The following NIPAL3 variants were observed in gnomAD, a reference collection of about 807,000 sequenced individuals.
The protein encoded by NIPAL3 is NIPA-like protein 3.
Under a neutral mutation model 47.2 loss-of-function variants are expected in NIPAL3, and 41 were observed. That is an observed-to-expected ratio of 0.87 (90% confidence interval 0.68 to 1.13). The LOEUF is 1.13. Ranked by LOEUF, NIPAL3 falls within the 50% of genes most tolerant of loss-of-function variation. The pLI, the probability that NIPAL3 is intolerant of heterozygous loss-of-function variation, is 0.00. For synonymous variants in NIPAL3, 194 were observed against 209.6 expected (o/e 0.93, Z 0.64); for missense variants, 449 against 530.1 (o/e 0.85, Z 1.50).
chr1:24,424,832 T>C (rs997873436), intron 2 of NIPAL3, among the ~76,000 whole-genome samples: 2 of 152,170 alleles, frequency 1.3e-5, no homozygotes, highest in South Asian at 2.1e-4. Context: ...TCTACCATTA[T>C]GGGCAGGTCT....
At chr1:24,418,239 T>C (rs1570154600) in intron 1 of NIPAL3, among the ~76,000 whole-genome samples, 1 of 152,224 alleles carries the variant, frequency 6.6e-6, no homozygotes, top group Non-Finnish European at 1.5e-5. Flanking sequence ...AATACATTTC[T>C]AAAAAATGTA....
At chr1:24,428,734 C>T (rs1312617085) in intron 2 of NIPAL3, among the ~76,000 whole-genome samples, 1 of 152,210 alleles carries the variant, frequency 6.6e-6, no homozygotes, top group Non-Finnish European at 1.5e-5. Flanking sequence ...AGTTGATTTT[C>T]AGCGAACCTT....
At chr1:24,425,001 G>A (rs917252662) in intron 2 of NIPAL3, among the ~76,000 whole-genome samples, 1 of 152,192 alleles carries the variant, frequency 6.6e-6, no homozygotes, top group Non-Finnish European at 1.5e-5. Flanking sequence ...CCTCTGCCCT[G>A]CCCATCAGCG....
intron 4 of NIPAL3, among the ~76,000 whole-genome samples, chr1:24,443,830 A>C (rs1165298870): frequency 6.6e-6 from 1 of 151,906 alleles, no homozygotes. Flanking sequence ...ACCATTTTCT[A>C]TATTTGTGTT....
chr1:24,457,869 C>T (rs1430501342), intron 8 of NIPAL3: 1 of 522,836 alleles, frequency 1.9e-6, no homozygotes. Flanking sequence ...ATTGGCCTTG[C>T]TATTGTTATT....
At position 24,442,145 on chromosome 1, in the gene NIPAL3, C is replaced by G. The variant is rs746427885; in HGVS notation, c.253C>G (p.Leu85Val). Residue 85 changes from leucine (L) to valine (V), a missense_variant, in exon 4 of 12, where the codon CTG (leucine) becomes GTG (valine). Leu to Val is a conservative substitution (Grantham distance 32, BLOSUM62 1). Coordinates refer to ENST00000374399, the MANE Select transcript of NIPAL3 (RefSeq NM_020448.5). ...TWWLGLFLML[L>V]GELGVFASYA... ...GTGGCTGGGCCTGTTCCTGATGCTT[C>G]TGGGCGAGCTGGGTGTGTTCGCCTC... The G allele has an allele frequency of 1.5e-5, 24 of 1,614,112 alleles. No individual in the cohort carries two copies. The Admixed American group carries it at 3.7e-4, about 25-fold the overall frequency.
Position 24,466,666 on chromosome 1 carries a change from C to T in NIPAL3, c.1022-2320C>T, listed in dbSNP as rs116133503. ...GTTCGTGGTTCCCCGCCGTGTACAC[C>T]TCTCTCATTGCAATGTGTCAATAAA... On this transcript the variant is annotated intron_variant, in intron 11 of 11. Coordinates refer to ENST00000374399, the MANE Select transcript of NIPAL3 (RefSeq NM_020448.5). Among the ~76,000 whole-genome samples the T allele has an allele frequency of 5.0e-3, 755 of 152,276 alleles. 9 individuals are homozygous for T. The highest frequency in any genetic ancestry group is 0.017 in the African/African-American group (711 of 41,538).
At chr1:24,434,020 G>T (rs1644993500) in intron 2 of NIPAL3, among the ~76,000 whole-genome samples, 1 of 151,768 alleles carries the variant, frequency 6.6e-6, no homozygotes, top group Admixed American at 6.6e-5. Context: ...CACAAAAGAG[G>T]GCAGTAATGG....
chr1:24,443,417 C>T (rs1411342613), intron 4 of NIPAL3, among the ~76,000 whole-genome samples: 1 of 152,186 alleles, frequency 6.6e-6, no homozygotes, highest in Non-Finnish European at 1.5e-5. Flanking sequence ...GGTCTTATTC[C>T]TCCTTGAGTT....
At position 24,460,480 on chromosome 1, in the gene NIPAL3, G is replaced by A; in HGVS notation, c.863-1G>A. 1 of 1,586,372 alleles carries A rather than the reference G, an allele frequency of 6.3e-7. No homozygotes were observed. The highest frequency in any genetic ancestry group is 1.2e-5 in the South Asian group (1 of 86,020). On this transcript the variant is annotated splice_acceptor_variant, in intron 9 of 11. Transcript: ENST00000374399. LOFTEE classifies it high-confidence loss of function. ...GTATTTTCTATGATTTGCTGCTGCA[G>A]GTGCAATATTTTACCTGGACTTCAT...
At chr1:24,448,136 A>G (rs938776361) in intron 5 of NIPAL3, among the ~76,000 whole-genome samples, 3 of 152,236 alleles carry the variant, frequency 2.0e-5, no homozygotes, top group African/African-American at 7.2e-5. Flanking sequence ...TAGTACTGAG[A>G]ATAAAGATAA....
chr1:24,470,214 C>T lies in NIPAL3; in HGVS notation c.*1029C>T, dbSNP rs1646856815. 1 of 152,206 alleles carries T rather than the reference C, an allele frequency of 6.6e-6. No individual in the cohort carries two copies. 9.4% of individuals were successfully genotyped at this position (152,206 alleles called of 1,614,324 possible). A position where few individuals can be genotyped will look rare whatever the true frequency, so the allele number is the denominator to read the frequency against. The stretch of plus-strand genomic sequence containing the variant: ...TGCATATATGTCTGGGAGAAGCAAG[C>T]ATTCTCCAAAACAGGGCTGTTGCTT... On this transcript the variant is annotated 3_prime_UTR_variant, in exon 12 of 12. Coordinates refer to ENST00000374399, the MANE Select transcript of NIPAL3 (RefSeq NM_020448.5).
At chr1:24,458,105 C>T (rs1201204198) in intron 8 of NIPAL3, among the ~76,000 whole-genome samples, 3 of 152,272 alleles carry the variant, frequency 2.0e-5, no homozygotes, top group Admixed American at 1.3e-4. Flanking sequence ...CATTCACGGC[C>T]CTGGCTGGGG....
intron 8 of NIPAL3, chr1:24,457,906 A>T (rs1022305525): frequency 6.4e-6 from 3 of 470,278 alleles, no homozygotes; most frequent in Non-Finnish European, 1.3e-5. Context: ...GTCCCACTAC[A>T]ACAATTCCAG....
At chr1:24,433,884 C>G (rs916482635) in intron 2 of NIPAL3, among the ~76,000 whole-genome samples, 5 of 152,090 alleles carry the variant, frequency 3.3e-5, no homozygotes, top group African/African-American at 1.2e-4. Flanking sequence ...TTAATCTGAA[C>G]TAGATTGTTA....
chr1:24,432,973 A>G (rs1315254831), intron 2 of NIPAL3: 4 of 152,232 alleles, frequency 2.6e-5, no homozygotes, highest in East Asian at 1.9e-4. Flanking sequence ...GACTCTAACT[A>G]TGATAGCTAA....
chr1:24,453,497 G>A lies in NIPAL3; in HGVS notation c.630G>A (p.Ala210=), dbSNP rs762935672. The change falls in exon 7 of 12, where the codon GCG becomes GCA. Residue 210 remains alanine (A), a synonymous_variant. Coordinates refer to ENST00000374399, the MANE Select transcript of NIPAL3 (RefSeq NM_020448.5). The part of the protein sequence containing the change: ...NNIVVILLLV[A]LLGSMTVVTV... ...TTGTCGTGATTCTTCTCTTGGTGGC[G>A]TTACTTGGTAAGTTGGCATCTGGAT... 48 of 1,612,630 alleles carry A rather than the reference G, an allele frequency of 3.0e-5. No homozygotes were observed. The East Asian group carries it at 3.1e-4, about 10-fold the overall frequency.
rs1467987725 is a variant in NIPAL3, at chr1:24,469,100, C to T, written c.1136C>T (p.Thr379Ile). ...DNISEIYAPA[T>I]LPVMQEEHGS... ...ATTTCTGAGATCTACGCTCCTGCCA[C>T]CCTGCCAGTCATGCAAGAAGAGCAC... is the stretch of plus-strand genomic sequence containing the variant. The change falls in exon 12 of 12, where the codon ACC (threonine) becomes ATC (isoleucine). Residue 379 changes from threonine (T) to isoleucine (I), a missense_variant. By Grantham distance (89) the Thr-to-Ile change is moderately conservative. Coordinates refer to ENST00000374399, the MANE Select transcript of NIPAL3 (RefSeq NM_020448.5). 1.9e-6 allele frequency: 3 copies of T among 1,614,038 alleles called. No individual in the cohort carries two copies. In the African/African-American group the frequency reaches 4.0e-5, roughly 22 times the overall value.
intron 10 of NIPAL3, among the ~76,000 whole-genome samples, 159 bp downstream of exon 10, chr1:24,460,703 T>A (rs1312608564): frequency 1.3e-5 from 2 of 152,196 alleles, no homozygotes; most frequent in African/African-American, 4.8e-5. Flanking sequence ...GTTTTATTCC[T>A]CTAAGGGCTT....
Sources: gnomAD v4.1 joint callset for allele counts (sites outside exome capture counted in the v4.1 genomes callset) on GRCh38, gnomAD v4.1.1 for gene constraint, MANE v1.5 for transcripts, NCBI Gene and HGNC (gene_info 2026-07-23, HGNC 2026-07-21) for gene names.